The following LRRC39 variants were observed in gnomAD, a reference collection of about 807,000 sequenced individuals.
LRRC39 encodes the protein leucine rich repeat containing 39, also known as leucine-rich repeat-containing protein 39.
A neutral mutation model predicts 39.7 loss-of-function variants in LRRC39; 35 were observed. That is an observed-to-expected ratio of 0.88 (90% CI 0.67 to 1.17). The LOEUF (loss-of-function observed/expected upper bound fraction) is 1.17, where lower values mean the gene tolerates loss of function less well. LRRC39 is among the 50% of genes most tolerant of loss of function. The probability of loss-of-function intolerance (pLI) is 0.00; values close to 1 mark genes in which losing one functional copy is unlikely to be tolerated. For synonymous variants in LRRC39, 113 were observed against 134.1 expected (o/e 0.84, Z 1.09); for missense variants, 357 against 385.8 (o/e 0.93, Z 0.62).
chr1:100,150,624 T>C (rs1193974429), intron 9 of LRRC39: 1 of 152,222 alleles, frequency 6.6e-6, no homozygotes, highest in East Asian at 1.9e-4. Flanking sequence ...TAAAGGAAGA[T>C]AAGTTTGTCC....
At chr1:100,177,191 A>G (rs1377132072) in intron 1 of LRRC39, among the ~76,000 whole-genome samples, 2 of 152,212 alleles carry the variant, frequency 1.3e-5, no homozygotes, top group African/African-American at 2.4e-5. Flanking sequence ...AAGAAAAAAA[A>G]GAGAGAAATA....
chr1:100,160,405 TTCTC>T (rs1345712617), intron 4 of LRRC39, 57 bp downstream of exon 4: 4 of 1,282,762 alleles, frequency 3.1e-6, no homozygotes, highest in Non-Finnish European at 4.5e-6. Flanking sequence ...CTCAGAATCA[TTCTC>T]TCAACTGACT....
At chr1:100,161,255 C>T (rs1658854545) in intron 3 of LRRC39, among the ~76,000 whole-genome samples, 9 of 152,206 alleles carry the variant, frequency 5.9e-5, no homozygotes, top group Admixed American at 5.9e-4. Flanking sequence ...AGTCACTCTC[C>T]ATTCTTCCCT....
chr1:100,153,613 C>T (rs1455067684), intron 8 of LRRC39, among the ~76,000 whole-genome samples: 5 of 151,996 alleles, frequency 3.3e-5, no homozygotes, highest in Admixed American at 6.6e-5. Flanking sequence ...ACCCCACAAG[C>T]GGGCAAAGGA....
At chr1:100,157,654 G>C (rs1004930150) in intron 6 of LRRC39, among the ~76,000 whole-genome samples, 4 of 152,142 alleles carry the variant, frequency 2.6e-5, no homozygotes, top group Non-Finnish European at 5.9e-5. Flanking sequence ...GTGGGAGAAG[G>C]GAATAGCCTA....
intron 9 of LRRC39, chr1:100,150,296 C>G (rs1177145074): frequency 1.3e-5 from 2 of 151,966 alleles, no homozygotes; most frequent in Admixed American, 6.6e-5. Context: ...ACTTTTTTCC[C>G]TTGTTATAAG....
At chr1:100,150,724 A>G (rs1369057872) in intron 9 of LRRC39, among the ~76,000 whole-genome samples, 1 of 152,224 alleles carries the variant, frequency 6.6e-6, no homozygotes, top group African/African-American at 2.4e-5. Flanking sequence ...TGGGATATGC[A>G]TACAGCTATT....
chr1:100,150,147 T>A (rs149131258), intron 9 of LRRC39: 4 of 152,228 alleles, frequency 2.6e-5, no homozygotes, highest in Non-Finnish European at 5.9e-5. Flanking sequence ...TCAAATGAGA[T>A]AACACAAGTA....
chr1:100,153,553 CAAAG>C (rs931272726), intron 8 of LRRC39, among the ~76,000 whole-genome samples: 5 of 152,020 alleles, frequency 3.3e-5, no homozygotes, highest in Admixed American at 6.6e-5. Flanking sequence ...ATACATCTGA[CAAAG>C]AACTAATATC....
chr1:100,148,549 A>T lies in LRRC39; in HGVS notation c.*493T>A. On this transcript the variant is annotated 3_prime_UTR_variant, in exon 10 of 10. Transcript: ENST00000370137. ...ATGGGTTAGTTAACAGTCTCTCAAT[A>T]AATAGTGACAAAAATAATTTTTTAT... is the stretch of plus-strand genomic sequence containing the variant. 7.3e-7 allele frequency: 1 copy of T among 1,372,736 alleles called. No homozygotes were observed. The highest frequency in any genetic ancestry group is 1.0e-6 in the Non-Finnish European group (1 of 990,908). The allele number at this position is 1,372,736 out of a possible 1,614,324, so 85.0% of individuals were successfully genotyped here. A position where few individuals can be genotyped will look rare whatever the true frequency, so the allele number is the denominator to read the frequency against.
intron 3 of LRRC39, among the ~76,000 whole-genome samples, chr1:100,167,447 C>T (rs1318900947): frequency 2.6e-5 from 4 of 152,148 alleles, no homozygotes; most frequent in Non-Finnish European, 5.9e-5. Flanking sequence ...TGCTAACTGA[C>T]ATCGGCAAAT....
At chr1:100,173,199 C>G (rs1659745901) in intron 2 of LRRC39, 132 bp downstream of exon 2, 1 of 151,470 alleles carries the variant, frequency 6.6e-6, no homozygotes, top group African/African-American at 2.4e-5. Context: ...GAGATGGTGG[C>G]ACTGCACTCC....
intron 7 of LRRC39, among the ~76,000 whole-genome samples, chr1:100,155,719 A>G (rs79016741): frequency 2.6e-5 from 4 of 152,356 alleles, no homozygotes; most frequent in African/African-American, 7.2e-5. Flanking sequence ...TAACATCATG[A>G]ACTCTGGGGC....
At position 100,149,002 on chromosome 1, in the gene LRRC39, C is replaced by A; in HGVS notation, c.*40G>T. 2.0e-6 allele frequency: 3 copies of A among 1,479,490 alleles called. No homozygotes were observed. Among genetic ancestry groups the A allele is most frequent in the South Asian group, 1.4e-5 (1 of 69,932 alleles). 91.6% of individuals were successfully genotyped at this position (1,479,490 alleles called of 1,614,324 possible). A position where few individuals can be genotyped will look rare whatever the true frequency, so the allele number is the denominator to read the frequency against. ...TCAGAAATCCAAACATTAGAGAATT[C>A]ACCAAAGTAATCCTCTTTAGAAGGG... On this transcript the variant is annotated 3_prime_UTR_variant, in exon 10 of 10. Transcript: ENST00000370137.
chr1:100,152,739 C>CTTA (rs370422140), intron 8 of LRRC39, among the ~76,000 whole-genome samples: 2,095 of 152,138 alleles, frequency 0.014, 22 homozygotes, highest in Non-Finnish European at 0.02. Context: ...ACTTTCAAAG[C>CTTA]TTATAAAAGC....
Position 100,148,893 on chromosome 1 carries a change from A to T in LRRC39, c.*149T>A. ...TTAATTATATTTTTATATCAAAAAA[A>T]TATATACTTTAAATAGCAAATAATA... is the stretch of plus-strand genomic sequence containing the variant. On this transcript the variant is annotated 3_prime_UTR_variant, in exon 10 of 10. Transcript: ENST00000370137. The T allele has an allele frequency of 8.9e-7, 1 of 1,126,186 alleles. No individual in the cohort carries two copies. The highest frequency in any genetic ancestry group is 1.2e-6 in the Non-Finnish European group (1 of 858,626). The allele number at this position is 1,126,186 out of a possible 1,614,324, so 69.8% of individuals were successfully genotyped here.
At chr1:100,172,076 A>G (rs1488924592) in intron 2 of LRRC39, among the ~76,000 whole-genome samples, 1 of 152,194 alleles carries the variant, frequency 6.6e-6, no homozygotes, top group Non-Finnish European at 1.5e-5. Flanking sequence ...AAAATTTTAA[A>G]ATGACACAAT....
At chr1:100,163,783 C>T (rs1659048228) in intron 3 of LRRC39, among the ~76,000 whole-genome samples, 1 of 151,834 alleles carries the variant, frequency 6.6e-6, no homozygotes, top group African/African-American at 2.4e-5. Context: ...CTTCTAAAAC[C>T]CTTTTGAGGC....
intron 2 of LRRC39, among the ~76,000 whole-genome samples, chr1:100,170,931 A>G (rs1177808696): frequency 1.3e-5 from 2 of 152,208 alleles, no homozygotes; most frequent in Non-Finnish European, 2.9e-5. Context: ...ACACTAAGCA[A>G]AAGAAGGCTA....
Sources: allele counts gnomAD v4.1 joint callset (sites outside exome capture counted in the v4.1 genomes callset), GRCh38; gene constraint gnomAD v4.1.1; transcripts MANE v1.5; gene names NCBI Gene and HGNC (gene_info 2026-07-23, HGNC 2026-07-21).